The following CTNNA2 variants were observed in gnomAD, a reference collection of about 807,000 sequenced individuals.
CTNNA2 encodes catenin alpha-2.
In CTNNA2, 42 loss-of-function variants were observed where a neutral mutation model predicts 101.0. The ratio of observed to expected loss-of-function variants is 0.42; its 90% confidence interval spans 0.32 to 0.54. The LOEUF is 0.54. Ranked by LOEUF, CTNNA2 falls within the 20% of genes least tolerant of loss-of-function variation. CTNNA2 has a pLI of 0.14. For missense variants in CTNNA2, 871 were observed against 1,223.1 expected (o/e 0.71, Z 4.29); for synonymous variants, 450 against 456.4 (o/e 0.99, Z 0.18).
chr2:79,208,469 G>A (rs1674128704), intron 2 of CTNNA2, among the ~76,000 whole-genome samples: 1 of 152,148 alleles, frequency 6.6e-6, no homozygotes, highest in African/African-American at 2.4e-5. Flanking sequence ...TATCCGGTTT[G>A]AAACACTAGA....
intron 7 of CTNNA2, among the ~76,000 whole-genome samples, chr2:80,384,650 T>C (rs1017695973): frequency 4.0e-5 from 6 of 151,596 alleles, no homozygotes; most frequent in African/African-American, 1.5e-4. Flanking sequence ...TGAATCCTTA[T>C]AGACTTTTTG....
chr2:80,063,965 C>T (rs563925064), intron 7 of CTNNA2, among the ~76,000 whole-genome samples: 1 of 151,714 alleles, frequency 6.6e-6, no homozygotes, highest in Admixed American at 6.6e-5. Context: ...GGCTGTCACA[C>T]CAGTATATAA....
At chr2:79,617,123 C>T (rs374204036) in intron 1 of CTNNA2, among the ~76,000 whole-genome samples, 5 of 152,134 alleles carry the variant, frequency 3.3e-5, no homozygotes, top group South Asian at 2.1e-4. Flanking sequence ...AGGCTAGTCT[C>T]GAACTCCTGA....
At chr2:79,615,790 AATTCCTGGGAAC>A (rs1396671361) in intron 1 of CTNNA2, among the ~76,000 whole-genome samples, 1 of 152,124 alleles carries the variant, frequency 6.6e-6, no homozygotes, top group African/African-American at 2.4e-5. Flanking sequence ...GTGTGAGGAG[AATTCCTGGGAAC>A]CATTTCCGCA....
intron 7 of CTNNA2, among the ~76,000 whole-genome samples, chr2:80,213,150 T>C (rs1220610290): frequency 1.3e-5 from 2 of 152,120 alleles, no homozygotes; most frequent in South Asian, 2.1e-4. Flanking sequence ...TTTGTTGATC[T>C]TTTCAAAAAA....
intron 1 of CTNNA2, among the ~76,000 whole-genome samples, chr2:79,188,080 A>T (rs1419059343): frequency 6.6e-6 from 1 of 152,224 alleles, no homozygotes; most frequent in East Asian, 1.9e-4. Flanking sequence ...AAAAGCTGGT[A>T]ACTAAAGAGA....
intron 2 of CTNNA2, among the ~76,000 whole-genome samples, chr2:79,277,024 GT>G (rs779017212): frequency 1.4e-4 from 21 of 152,054 alleles, no homozygotes; most frequent in Non-Finnish European, 2.4e-4. Flanking sequence ...CATCCACCGA[GT>G]TTTTTGCTTT....
chr2:79,673,837 G>A lies in CTNNA2; in HGVS notation c.102+22179G>A, dbSNP rs151283390. On this transcript the variant is annotated intron_variant, in intron 2 of 18. Coordinates refer to ENST00000402739, the MANE Select transcript of CTNNA2 (RefSeq NM_001282597.3). ...CTTAGTCTCCCTCTGTCTCTGCTCC[G>A]TGTTTTATTTCCTAATAAGCCACAG... 1.6e-4 allele frequency among the ~76,000 whole-genome samples: 24 copies of A among 152,046 alleles called. No individual in the cohort carries two copies. The East Asian group carries it at 2.1e-3, about 13-fold the overall frequency.
chr2:80,093,454 G>A (rs1458216679), intron 7 of CTNNA2, among the ~76,000 whole-genome samples: 4 of 152,182 alleles, frequency 2.6e-5, no homozygotes, highest in South Asian at 4.1e-4. Flanking sequence ...GAATAGTGCC[G>A]CAATAAACAT....
Position 79,329,723 on chromosome 2 carries a change from C to A in CTNNA2, c.-318+16927C>A, listed in dbSNP as rs1258067880. 2.0e-5 allele frequency among the ~76,000 whole-genome samples: 3 copies of A among 152,132 alleles called. No homozygotes were observed. The East Asian group carries it at 5.8e-4, about 29-fold the overall frequency. On this transcript the variant is annotated intron_variant, in intron 3 of 21. Transcript: ENST00000466387. The stretch of plus-strand genomic sequence containing the variant: ...TGTCTCTGTGTTCTGATGAGAGACA[C>A]TTAGAGATCTCAAAGTCTTCAGCTA...
intron 2 of CTNNA2, among the ~76,000 whole-genome samples, chr2:79,227,549 C>A (rs754048470): frequency 3.3e-5 from 5 of 150,344 alleles, no homozygotes; most frequent in Non-Finnish European, 5.9e-5. Context: ...TGATTCCAGA[C>A]AACCACAATA....
intron 12 of CTNNA2, among the ~76,000 whole-genome samples, chr2:80,559,803 C>G (rs552958466): frequency 3.3e-5 from 5 of 151,898 alleles, no homozygotes; most frequent in African/African-American, 1.2e-4. Context: ...GACCCATCTT[C>G]ATAGATCTCG....
chr2:79,723,079 T>A (rs574830843), intron 2 of CTNNA2, among the ~76,000 whole-genome samples: 1 of 152,306 alleles, frequency 6.6e-6, no homozygotes, highest in African/African-American at 2.4e-5. Context: ...ACTTTATTTT[T>A]TTAAGTTTTG....
At chr2:80,522,754 A>T (rs533930669) in intron 9 of CTNNA2, among the ~76,000 whole-genome samples, 19 of 152,190 alleles carry the variant, frequency 1.2e-4, no homozygotes, top group African/African-American at 4.1e-4. Flanking sequence ...TTCCTCCGTG[A>T]TGGTGAGTTC....
chr2:79,689,021 G>A (rs1248337862), intron 2 of CTNNA2, among the ~76,000 whole-genome samples: 1 of 151,810 alleles, frequency 6.6e-6, no homozygotes, highest in Non-Finnish European at 1.5e-5. Flanking sequence ...ATTCAAATGT[G>A]TGAGACTTGA....
chr2:80,143,273 T>C (rs2148913800), intron 7 of CTNNA2, among the ~76,000 whole-genome samples: 1 of 152,312 alleles, frequency 6.6e-6, no homozygotes, highest in East Asian at 1.9e-4. Flanking sequence ...TCAGAATGAC[T>C]TCTATGTATT....
rs1179531086 is a variant in CTNNA2, at chr2:80,075,627, TTTATACATGTATAAATATTATA to T, written c.1056+165831_1056+165852del. On this transcript the variant is annotated intron_variant, in intron 7 of 18. Coordinates refer to ENST00000402739, the MANE Select transcript of CTNNA2 (RefSeq NM_001282597.3). The stretch of plus-strand genomic sequence containing the variant: ...ATTTATACATGTATAAATATAAATA[TTTATACATGTATAAATATTATA>T]AAAATAATATTTATACATGTATAAA... Among the ~76,000 whole-genome samples, 45 of 103,958 alleles carry T rather than the reference TTTATACATGTATAAATATTATA, an allele frequency of 4.3e-4. 3 individuals carry two copies. The highest frequency in any genetic ancestry group is 1.2e-3 in the African/African-American group (34 of 28,452). The allele number at this position is 103,958 out of a possible 152,430, so 68.2% of individuals were successfully genotyped here.
intron 7 of CTNNA2, among the ~76,000 whole-genome samples, chr2:80,244,495 G>A (rs778169134): frequency 2.6e-5 from 4 of 152,136 alleles, no homozygotes; most frequent in South Asian, 2.1e-4. Flanking sequence ...TTTATTTAAG[G>A]AATTCATAAC....
At chr2:79,430,670 T>A (rs1032259984) in intron 4 of CTNNA2, among the ~76,000 whole-genome samples, 1 of 152,120 alleles carries the variant, frequency 6.6e-6, no homozygotes, top group Non-Finnish European at 1.5e-5. Flanking sequence ...TAATTCCATT[T>A]TATATATGGA....
Sources: gnomAD v4.1 joint callset for allele counts (sites outside exome capture counted in the v4.1 genomes callset) on GRCh38, gnomAD v4.1.1 for gene constraint, MANE v1.5 for transcripts, NCBI Gene and HGNC (gene_info 2026-07-23, HGNC 2026-07-21) for gene names.